C1orf21: variants seen among roughly 807,000 people sequenced by gnomAD.
C1orf21 encodes chromosome 1 open reading frame 21.
A neutral mutation model predicts 18.7 loss-of-function variants in C1orf21; 3 were observed. The ratio of observed to expected loss-of-function variants is 0.16; its 90% CI spans 0.07 to 0.42. The LOEUF (loss-of-function observed/expected upper bound fraction) is 0.42, where lower values mean the gene tolerates loss of function less well. C1orf21 is among the 10% of genes least tolerant of loss of function. The probability of loss-of-function intolerance (pLI) is 0.99; values close to 1 mark genes in which losing one functional copy is unlikely to be tolerated. For synonymous variants in C1orf21, 41 were observed against 46.4 expected, an observed-to-expected ratio of 0.88 and a Z score of 0.47; for missense variants, 104 against 143.6, an observed-to-expected ratio of 0.72 and a Z score of 1.41.
intron 5 of C1orf21, among the ~76,000 whole-genome samples, chr1:184,618,579 A>G (rs1659866798): frequency 6.6e-6 from 1 of 152,196 alleles, no homozygotes; most frequent in South Asian, 2.1e-4. Flanking sequence ...CAAAATTATT[A>G]TTAGTATCGT....
chr1:184,399,521 C>A (rs575341153), intron 1 of C1orf21, among the ~76,000 whole-genome samples: 1 of 151,978 alleles, frequency 6.6e-6, no homozygotes, highest in Non-Finnish European at 1.5e-5. Context: ...TGCCACCACA[C>A]CCAGCTAATA....
At chr1:184,525,978 A>T (rs1658371318) in intron 3 of C1orf21, among the ~76,000 whole-genome samples, 1 of 152,196 alleles carries the variant, frequency 6.6e-6, no homozygotes. Flanking sequence ...TACATTCACC[A>T]TGTGGACAAA....
intron 3 of C1orf21, among the ~76,000 whole-genome samples, chr1:184,543,622 A>G (rs1658689415): frequency 6.6e-6 from 1 of 152,162 alleles, no homozygotes; most frequent in Admixed American, 6.5e-5. Flanking sequence ...AGGTAGGTTT[A>G]TTTTTATAAA....
chr1:184,428,928 G>A (rs1474979759), intron 1 of C1orf21, among the ~76,000 whole-genome samples: 1 of 152,104 alleles, frequency 6.6e-6, no homozygotes. Flanking sequence ...TCAGGAAAAT[G>A]GACTCAGGGC....
chr1:184,448,622 G>A (rs1484978554), intron 1 of C1orf21, among the ~76,000 whole-genome samples: 1 of 152,208 alleles, frequency 6.6e-6, no homozygotes, highest in African/African-American at 2.4e-5. Context: ...GTGGTGGACT[G>A]CATGCTGACC....
chr1:184,519,992 C>A (rs765033036), intron 3 of C1orf21, among the ~76,000 whole-genome samples: 11 of 152,144 alleles, frequency 7.2e-5, no homozygotes, highest in African/African-American at 2.7e-4. Flanking sequence ...AAATTTCATA[C>A]ATCTTCCTTG....
chr1:184,583,627 C>T (rs1659312820), intron 3 of C1orf21, among the ~76,000 whole-genome samples: 1 of 152,184 alleles, frequency 6.6e-6, no homozygotes, highest in African/African-American at 2.4e-5. Flanking sequence ...TAGACGTGCT[C>T]AAACTTTTTT....
At chr1:184,534,771 C>T (rs975021728) in intron 3 of C1orf21, among the ~76,000 whole-genome samples, 3 of 152,054 alleles carry the variant, frequency 2.0e-5, no homozygotes, top group African/African-American at 7.2e-5. Flanking sequence ...TGCAGTTGAA[C>T]AGGTAACTCT....
intron 1 of C1orf21, among the ~76,000 whole-genome samples, chr1:184,438,720 GCTGTGTTTTGGT>G (rs1405670338): frequency 6.6e-6 from 1 of 152,190 alleles, no homozygotes; most frequent in Admixed American, 6.5e-5. Context: ...GAGGGTAGGA[GCTGTGTTTTGGT>G]CTTTCTTAAA....
intron 1 of C1orf21, among the ~76,000 whole-genome samples, chr1:184,390,266 C>G (rs936830111): frequency 3.9e-5 from 6 of 152,262 alleles, no homozygotes; most frequent in African/African-American, 9.6e-5. Context: ...TAAACTGTTT[C>G]ATTCTGCACC....
intron 1 of C1orf21, among the ~76,000 whole-genome samples, chr1:184,454,895 T>C: frequency 6.6e-6 from 1 of 152,026 alleles, no homozygotes; most frequent in Non-Finnish European, 1.5e-5. Flanking sequence ...TAATAGAGAA[T>C]GGATTAATAC....
At chr1:184,409,194 G>A (rs1291785495) in intron 1 of C1orf21, among the ~76,000 whole-genome samples, 2 of 152,172 alleles carry the variant, frequency 1.3e-5, no homozygotes, top group African/African-American at 4.8e-5. Flanking sequence ...GGATCTTACT[G>A]TAGTTTCTTC....
chr1:184,455,371 T>C (rs1393914539), intron 1 of C1orf21, among the ~76,000 whole-genome samples: 3 of 152,176 alleles, frequency 2.0e-5, no homozygotes, highest in Admixed American at 6.5e-5. Context: ...GGGATCTTCT[T>C]AGAATTGCAG....
intron 2 of C1orf21, among the ~76,000 whole-genome samples, chr1:184,482,315 C>T (rs1224665477): frequency 6.6e-6 from 1 of 152,208 alleles, no homozygotes; most frequent in East Asian, 1.9e-4. Flanking sequence ...AAAGTGGAAG[C>T]TGCCAGGCCT....
At chr1:184,571,902 C>A (rs200482540) in intron 3 of C1orf21, among the ~76,000 whole-genome samples, 1 of 106,474 alleles carries the variant, frequency 9.4e-6, no homozygotes, top group Non-Finnish European at 2.1e-5. Context: ...CCTTGATGTT[C>A]TTCTTAATGT....
intron 1 of C1orf21, among the ~76,000 whole-genome samples, chr1:184,445,612 G>C (rs918080262): frequency 1.3e-5 from 2 of 151,794 alleles, no homozygotes; most frequent in African/African-American, 4.8e-5. Flanking sequence ...CATACTTGCT[G>C]TAGATATTGA....
At chr1:184,535,286 G>C (rs536428162) in intron 3 of C1orf21, among the ~76,000 whole-genome samples, 6 of 152,210 alleles carry the variant, frequency 3.9e-5, no homozygotes, top group African/African-American at 1.4e-4. Context: ...GCATTCTGAT[G>C]GTTTTAGTTG....
chr1:184,445,083 C>T (rs898050210), intron 1 of C1orf21, among the ~76,000 whole-genome samples: 16 of 152,088 alleles, frequency 1.1e-4, no homozygotes, highest in African/African-American at 2.9e-4. Flanking sequence ...GTAGAGACAA[C>T]GGTTGAGTTG....
intron 3 of C1orf21, among the ~76,000 whole-genome samples, chr1:184,561,370 G>A (rs560581210): frequency 5.9e-5 from 9 of 152,246 alleles, no homozygotes; most frequent in African/African-American, 2.2e-4. Context: ...GTATAATCCT[G>A]GGCTGGTATA....
Sources: allele counts gnomAD v4.1 joint callset (sites outside exome capture counted in the v4.1 genomes callset), GRCh38; gene constraint gnomAD v4.1.1; transcripts MANE v1.5; gene names NCBI Gene and HGNC (gene_info 2026-07-23, HGNC 2026-07-21).